Variants in RAPGEF4 observed in about 807,000 individuals in gnomAD.
The protein encoded by RAPGEF4 is RAP guanine-nucleotide-exchange factor (GEF) 4.
Under a neutral mutation model 147.9 loss-of-function variants are expected in RAPGEF4, and 66 were observed. That is an observed-to-expected ratio of 0.45 (90% CI 0.37 to 0.55). The LOEUF is 0.55. Among genes scored for constraint, RAPGEF4 ranks in the 20% least tolerant of loss-of-function variants. The pLI is 0.00. For missense variants in RAPGEF4, 1,071 were observed against 1,257.3 expected (o/e 0.85, Z 2.24); for synonymous variants, 419 against 442.7 (o/e 0.95, Z 0.67).
At chr2:172,741,901 GGGCTGAAGTGA>G (rs1345261887) in intron 1 of RAPGEF4, among the ~76,000 whole-genome samples, 2 of 152,112 alleles carry the variant, frequency 1.3e-5, no homozygotes, top group African/African-American at 2.4e-5. Flanking sequence ...TCAAACTGCT[GGGCTGAAGTGA>G]TCTTCCCACC....
In RAPGEF4 at chr2:172,768,505, T is replaced by TAA. The variant is rs60090129; in HGVS notation, c.66-26506_66-26505dup. Among the ~76,000 whole-genome samples the TAA allele has an allele frequency of 2.0e-3, 195 of 98,488 alleles. 1 individual carries two copies. The East Asian group carries it at 0.024, about 12-fold the overall frequency. The allele number at this position is 98,488 out of a possible 152,430, so 64.6% of individuals were successfully genotyped here. ...CCAGTAGAATTTTTGCAACCAAAAG[T>TAA]AAAAAAAAAAAAAAAGAAAGAAAAA... On this transcript the variant is annotated intron_variant, in intron 1 of 30. Coordinates refer to ENST00000397081, the MANE Select transcript of RAPGEF4 (RefSeq NM_007023.4).
intron 6 of RAPGEF4, among the ~76,000 whole-genome samples, chr2:172,939,519 A>C (rs1048459593): frequency 6.6e-6 from 1 of 152,118 alleles, no homozygotes; most frequent in Non-Finnish European, 1.5e-5. Context: ...AATTCTTTGC[A>C]TATTTTAGAT....
At chr2:172,795,298 T>C in intron 2 of RAPGEF4, 131 bp downstream of exon 2, 1 of 912,450 alleles carries the variant, frequency 1.1e-6, no homozygotes, top group East Asian at 2.5e-5. Flanking sequence ...AGTATTAAGG[T>C]GACATTTCCC....
intron 1 of RAPGEF4, among the ~76,000 whole-genome samples, chr2:172,768,680 G>T (rs1408377592): frequency 2.0e-5 from 3 of 152,124 alleles, no homozygotes; most frequent in Non-Finnish European, 4.4e-5. Flanking sequence ...TGATTCTGGG[G>T]ATTCCCATAT....
At chr2:172,862,165 G>T (rs1175957349) in intron 4 of RAPGEF4, among the ~76,000 whole-genome samples, 2 of 152,134 alleles carry the variant, frequency 1.3e-5, no homozygotes, top group Admixed American at 1.3e-4. Flanking sequence ...CCTAACTAAA[G>T]GACATATGGA....
In RAPGEF4 at chr2:172,797,790, T is replaced by C. The variant is rs13392443; in HGVS notation, c.297+177T>C. ...AGTTACTCAACAAACACCTATTGAATGTCTTCCCTGATTTGAGTATGGTGC... is the reference window on the plus strand; with the variant it reads ...AGTTACTCAACAAACACCTATTGAACGTCTTCCCTGATTTGAGTATGGTGC... On this transcript the variant is annotated intron_variant, in intron 3 of 30. Coordinates refer to ENST00000397081, the MANE Select transcript of RAPGEF4 (RefSeq NM_007023.4). Among the ~76,000 whole-genome samples the C allele has an allele frequency of 5.6e-3, 855 of 152,342 alleles. 8 individuals are homozygous for C. The highest frequency in any genetic ancestry group is 0.019 in the African/African-American group (794 of 41,578).
chr2:172,881,442 A>G (rs1482345077), intron 4 of RAPGEF4, among the ~76,000 whole-genome samples: 1 of 152,232 alleles, frequency 6.6e-6, no homozygotes, highest in African/African-American at 2.4e-5. Flanking sequence ...AAGACAGACA[A>G]AGTTTTAGCA....
intron 22 of RAPGEF4, among the ~76,000 whole-genome samples, chr2:173,020,042 C>T (rs1335006935): frequency 1.3e-5 from 2 of 152,110 alleles, no homozygotes; most frequent in Non-Finnish European, 2.9e-5. Context: ...CAGTTTCTGG[C>T]ATGCAGTAAA....
chr2:172,804,963 C>A (rs1687339957), intron 3 of RAPGEF4, among the ~76,000 whole-genome samples: 1 of 152,132 alleles, frequency 6.6e-6, no homozygotes, highest in South Asian at 2.1e-4. Flanking sequence ...ACCAGAATGG[C>A]CAGAAGTTGG....
intron 23 of RAPGEF4, among the ~76,000 whole-genome samples, chr2:173,025,669 C>G (rs1453737724): frequency 6.6e-6 from 1 of 152,230 alleles, no homozygotes; most frequent in African/African-American, 2.4e-5. Context: ...TCTTGAACTA[C>G]TGACCTCAGG....
intron 3 of RAPGEF4, among the ~76,000 whole-genome samples, chr2:172,798,701 G>T (rs1205124800): frequency 2.6e-5 from 4 of 152,042 alleles, no homozygotes; most frequent in African/African-American, 9.7e-5. Context: ...CAAATTTGAG[G>T]TTTACATTTT....
At chr2:172,931,286 T>C (rs1685945513) in intron 6 of RAPGEF4, among the ~76,000 whole-genome samples, 1 of 151,586 alleles carries the variant, frequency 6.6e-6, no homozygotes, top group African/African-American at 2.4e-5. Flanking sequence ...AGCGTAATTC[T>C]AGATAAGATC....
chr2:172,871,523 ACCTCTCTTTG>A (rs2149811462), intron 4 of RAPGEF4, among the ~76,000 whole-genome samples: 1 of 151,858 alleles, frequency 6.6e-6, no homozygotes, highest in African/African-American at 2.4e-5. Flanking sequence ...AAATCACTTA[ACCTCTCTTTG>A]CCAGGGCCTT....
At chr2:172,919,490 C>G (rs1453226292) in intron 5 of RAPGEF4, among the ~76,000 whole-genome samples, 1 of 152,142 alleles carries the variant, frequency 6.6e-6, no homozygotes, top group Non-Finnish European at 1.5e-5. Context: ...TTCCTCCTCT[C>G]TCTCTGGCCA....
chr2:172,961,315 G>A, intron 8 of RAPGEF4, 87 bp downstream of exon 8: 1 of 1,105,116 alleles, frequency 9.0e-7, no homozygotes, highest in Non-Finnish European at 1.4e-6. Context: ...TGTTTTCCAT[G>A]TGGGCGCAGC....
intron 1 of RAPGEF4, among the ~76,000 whole-genome samples, chr2:172,767,399 G>A (rs1017643345): frequency 4.6e-5 from 7 of 151,948 alleles, no homozygotes; most frequent in African/African-American, 1.7e-4. Flanking sequence ...GGCTGGTCTC[G>A]AACTCCTGAC....
At chr2:172,903,166 C>T (rs1157227959) in intron 4 of RAPGEF4, among the ~76,000 whole-genome samples, 2 of 151,900 alleles carry the variant, frequency 1.3e-5, no homozygotes, top group Non-Finnish European at 2.9e-5. Context: ...GTCAGGAGAT[C>T]GAGATCAGCC....
At chr2:172,799,049 T>C (rs1360879298) in intron 3 of RAPGEF4, among the ~76,000 whole-genome samples, 1 of 152,202 alleles carries the variant, frequency 6.6e-6, no homozygotes, top group Admixed American at 6.5e-5. Context: ...GGGTTTTGAT[T>C]CTTGTAAGCG....
Position 172,814,330 on chromosome 2 carries a change from A to G in RAPGEF4, c.349A>G (p.Ile117Val). The G allele has an allele frequency of 1.9e-6, 3 of 1,614,194 alleles. No homozygotes were observed. Among genetic ancestry groups the G allele is most frequent in the Non-Finnish European group, 1.7e-6 (2 of 1,180,022 alleles). The change falls in exon 4 of 31, where the codon ATT (isoleucine) becomes GTT (valine). Residue 117 changes from isoleucine (I) to valine (V), a missense_variant. Transcript: ENST00000397081. ...AATTGGGACGGCCTTTGGAGAGTCC[A>G]TTCTGGACAACACACCCCGCCATGC... ...LGIGTAFGES[I>V]LDNTPRHATI...
Sources: allele counts gnomAD v4.1 joint callset (sites outside exome capture counted in the v4.1 genomes callset), GRCh38; gene constraint gnomAD v4.1.1; transcripts MANE v1.5; gene names NCBI Gene and HGNC (gene_info 2026-07-23, HGNC 2026-07-21).